Variants in CACNB2 observed in about 807,000 individuals in gnomAD.
The protein encoded by CACNB2 is calcium voltage-gated channel auxiliary subunit beta 2.
CACNB2 carries 42 observed loss-of-function variants against 73.3 expected under a neutral mutation model. The ratio of observed to expected loss-of-function variants is 0.57; its 90% CI spans 0.45 to 0.74. The LOEUF is 0.74. Ranked by LOEUF, CACNB2 falls within the 30% of genes least tolerant of loss-of-function variation. The pLI is 0.00. For synonymous variants in CACNB2, 348 were observed against 310.3 expected, an observed-to-expected ratio of 1.12 and a Z score of -1.28; for missense variants, 940 against 853.0, an observed-to-expected ratio of 1.10 and a Z score of -1.27.
chr10:18,518,545 C>A, intron 8 of CACNB2, 129 bp downstream of exon 8: 3 of 759,468 alleles, frequency 4.0e-6, no homozygotes, highest in Non-Finnish European at 7.1e-6. Flanking sequence ...AGAGAGCTCA[C>A]AGCAGCAAAG....
chr10:18,360,102 C>A (rs921338895), intron 2 of CACNB2, among the ~76,000 whole-genome samples: 1 of 152,144 alleles, frequency 6.6e-6, no homozygotes, highest in African/African-American at 2.4e-5. Flanking sequence ...GCCGATGAAT[C>A]AACATTGTAA....
intron 2 of CACNB2, among the ~76,000 whole-genome samples, chr10:18,348,174 A>T (rs2041547650): frequency 6.6e-6 from 1 of 152,182 alleles, no homozygotes; most frequent in African/African-American, 2.4e-5. Flanking sequence ...CAAGATAAAA[A>T]CACGTTTGCA....
At chr10:18,374,638 C>T (rs1391049699) in intron 2 of CACNB2, among the ~76,000 whole-genome samples, 1 of 152,054 alleles carries the variant, frequency 6.6e-6, no homozygotes, top group African/African-American at 2.4e-5. Context: ...CTTTTGAAGT[C>T]CTTTGTCACC....
Position 18,382,981 on chromosome 10 carries a change from CTG to C in CACNB2, c.214-18939_214-18938del, listed in dbSNP as rs2043080805. The stretch of plus-strand genomic sequence containing the variant: ...AATTGCCACAAGCTTGGTGTCTCTT[CTG>C]TGTTTTCCTAGCCCACAGGATGGCA... On this transcript the variant is annotated intron_variant, in intron 2 of 13. Transcript: ENST00000324631. Among the ~76,000 whole-genome samples, 3 of 152,162 alleles carry C rather than the reference CTG, an allele frequency of 2.0e-5. No homozygotes were observed. In the South Asian group the frequency reaches 6.2e-4, roughly 31 times the overall value.
intron 2 of CACNB2, among the ~76,000 whole-genome samples, chr10:18,231,163 T>C (rs993303229): frequency 6.6e-6 from 1 of 152,160 alleles, no homozygotes; most frequent in Non-Finnish European, 1.5e-5. Context: ...TGTGGTATCA[T>C]GTTCAACTCT....
rs150058683 is a variant in CACNB2, at chr10:18,523,485, T to C, written c.945-4103T>C. ...ACAAAATATCTTAAAGTATCTGTTA[T>C]TTCTAGCCAGAAGTAACTTTCATAT... is the stretch of plus-strand genomic sequence containing the variant. On this transcript the variant is annotated intron_variant, in intron 9 of 13. Coordinates refer to ENST00000324631, the MANE Select transcript of CACNB2 (RefSeq NM_201596.3). 4.6e-5 allele frequency among the ~76,000 whole-genome samples: 7 copies of C among 152,356 alleles called. No individual in the cohort carries two copies. In the East Asian group the frequency reaches 1.4e-3, roughly 29 times the overall value.
intron 2 of CACNB2, among the ~76,000 whole-genome samples, chr10:18,221,262 G>T (rs2035782625): frequency 6.6e-6 from 1 of 151,126 alleles, no homozygotes; most frequent in Non-Finnish European, 1.5e-5. Context: ...CAGTACTGTT[G>T]ATTGTGTCAT....
chr10:18,482,172 G>A (rs1471802513), intron 3 of CACNB2, among the ~76,000 whole-genome samples: 1 of 152,136 alleles, frequency 6.6e-6, no homozygotes, highest in Non-Finnish European at 1.5e-5. Context: ...ATACAAGTGT[G>A]AGCCACCACA....
At chr10:18,536,536 A>AAGAC (rs1325938424) in intron 12 of CACNB2, among the ~76,000 whole-genome samples, 13 of 151,936 alleles carry the variant, frequency 8.6e-5, no homozygotes, top group Admixed American at 3.3e-4. Flanking sequence ...TGCTAGGATT[A>AAGAC]CAAGCATGAG....
rs138354877 is a variant in CACNB2, at chr10:18,498,061, C to T, written c.334-294C>T. On this transcript the variant is annotated intron_variant, in intron 3 of 13. Coordinates refer to ENST00000324631, the MANE Select transcript of CACNB2 (RefSeq NM_201596.3). ...TTTCCTGATTTACAGTTGCTACAAG[C>T]GCCAATGTTGAAAACACATATTTCC... Among the ~76,000 whole-genome samples the T allele has an allele frequency of 6.7e-3, 1,015 of 151,844 alleles. 5 individuals are homozygous for T. The highest frequency in any genetic ancestry group is 0.014 in the Admixed American group (214 of 15,270).
intron 3 of CACNB2, among the ~76,000 whole-genome samples, chr10:18,483,842 A>C (rs2048918081): frequency 6.6e-6 from 1 of 152,228 alleles, no homozygotes. Context: ...ATAACAATTT[A>C]AATGCCAGCA....
At chr10:18,215,783 C>T (rs976476723) in intron 2 of CACNB2, among the ~76,000 whole-genome samples, 7 of 152,026 alleles carry the variant, frequency 4.6e-5, no homozygotes, top group East Asian at 1.9e-4. Context: ...ATAAATTTTC[C>T]GCGTCCCTCC....
At position 18,227,757 on chromosome 10, in the gene CACNB2, T is replaced by G. The variant is rs117290940; in HGVS notation, c.213+76782T>G. On this transcript the variant is annotated intron_variant, in intron 2 of 13. Coordinates refer to ENST00000324631, the MANE Select transcript of CACNB2 (RefSeq NM_201596.3). Reference sequence around the variant, plus strand: ...CTCCAGAATAGACAAGTATGCTGCGTGCCTCACCGCCTATAATTTGTGCAG... The same window carrying G: ...CTCCAGAATAGACAAGTATGCTGCGGGCCTCACCGCCTATAATTTGTGCAG... 5.2e-3 allele frequency among the ~76,000 whole-genome samples: 796 copies of G among 152,310 alleles called. 3 individuals are homozygous for G. The highest frequency in any genetic ancestry group is 8.0e-3 in the Non-Finnish European group (543 of 68,018).
chr10:18,440,840 C>G (rs1334440240), intron 3 of CACNB2, among the ~76,000 whole-genome samples: 1 of 152,144 alleles, frequency 6.6e-6, no homozygotes, highest in Non-Finnish European at 1.5e-5. Flanking sequence ...AGAGGCAGGT[C>G]AAAGGTCACA....
rs764430256 is a variant in CACNB2 at position 18,539,347 on chromosome 10, G to A, written c.1606G>A (p.Ala536Thr). ...ATCCCAGCACCGCTCTTCCTCCTCAGCCCCACACCACAACCATCGCAGTGG... is the reference window on the plus strand; with the variant it reads ...ATCCCAGCACCGCTCTTCCTCCTCAACCCCACACCACAACCATCGCAGTGG... ...KKSQHRSSSS[A>T]PHHNHRSGTS... The change falls in exon 14 of 14, where the codon GCC becomes ACC. Residue 536 changes from alanine to threonine, a missense_variant. Ala to Thr is a moderately conservative substitution (Grantham distance 58). Transcript: ENST00000324631. 2.5e-6 allele frequency: 4 copies of A among 1,614,060 alleles called. No individual in the cohort carries two copies. In the East Asian group the frequency reaches 6.7e-5, roughly 27 times the overall value.
chr10:18,436,861 T>C (rs528257625), intron 3 of CACNB2, among the ~76,000 whole-genome samples: 49 of 152,328 alleles, frequency 3.2e-4, no homozygotes, highest in African/African-American at 1.1e-3. Flanking sequence ...GAGGCTTTTT[T>C]CCCCTCAGAA....
At chr10:18,148,096 A>T (rs560765906) in intron 1 of CACNB2, among the ~76,000 whole-genome samples, 1,775 of 70,084 alleles carry the variant, frequency 0.025, 16 homozygotes, top group Middle Eastern at 0.081. Context: ...ACAGTTTTTT[A>T]AAAAAAAAGA....
chr10:18,310,605 C>CAAA (rs1157466238), intron 2 of CACNB2, among the ~76,000 whole-genome samples: 8 of 36,854 alleles, frequency 2.2e-4, no homozygotes, highest in South Asian at 1.7e-3. Context: ...AACTCCATCT[C>CAAA]AAAAAAAAAA....
chr10:18,397,264 C>T, intron 2 of CACNB2, among the ~76,000 whole-genome samples: 1 of 151,378 alleles, frequency 6.6e-6, no homozygotes, highest in Middle Eastern at 3.4e-3. Context: ...GTCAGGAGTT[C>T]AAGACCAGAC....
Sources: gnomAD v4.1 joint callset for allele counts (sites outside exome capture counted in the v4.1 genomes callset) on GRCh38, gnomAD v4.1.1 for gene constraint, MANE v1.5 for transcripts, NCBI Gene and HGNC (gene_info 2026-07-23, HGNC 2026-07-21) for gene names.